CTNNA2: variants seen among roughly 807,000 people sequenced by gnomAD.
CTNNA2 encodes catenin alpha-2.
Under a neutral mutation model 101.0 loss-of-function variants are expected in CTNNA2, and 42 were observed. That is an observed-to-expected ratio of 0.42 (90% CI 0.32 to 0.54). The LOEUF (loss-of-function observed/expected upper bound fraction) is 0.54, where lower values mean the gene tolerates loss of function less well. Ranked by LOEUF, CTNNA2 falls within the 20% of genes least tolerant of loss-of-function variation. The pLI is 0.14. For missense variants in CTNNA2, 871 were observed against 1,223.1 expected (o/e 0.71, Z 4.29); for synonymous variants, 450 against 456.4 (o/e 0.99, Z 0.18).
chr2:79,988,631 A>G (rs1174136997), intron 7 of CTNNA2, among the ~76,000 whole-genome samples: 1 of 152,166 alleles, frequency 6.6e-6, no homozygotes, highest in African/African-American at 2.4e-5. Flanking sequence ...TTTTACAACC[A>G]AAGAAACTAA....
chr2:80,623,800 C>A (rs1280400975), intron 18 of CTNNA2, among the ~76,000 whole-genome samples: 1 of 151,872 alleles, frequency 6.6e-6, no homozygotes, highest in Non-Finnish European at 1.5e-5. Context: ...GTTTTAGAAT[C>A]CCTGCAAGGC....
At chr2:79,389,250 A>T (rs955669592) in intron 4 of CTNNA2, among the ~76,000 whole-genome samples, 2 of 152,208 alleles carry the variant, frequency 1.3e-5, no homozygotes, top group African/African-American at 4.8e-5. Flanking sequence ...GGATATACTA[A>T]TTTAATCAAT....
At chr2:80,163,589 G>A (rs1704474525) in intron 7 of CTNNA2, among the ~76,000 whole-genome samples, 1 of 152,030 alleles carries the variant, frequency 6.6e-6, no homozygotes, top group African/African-American at 2.4e-5. Context: ...CTATTGCTGG[G>A]TGGAATGTTC....
In CTNNA2 at chr2:79,815,546, G is replaced by A. The variant is rs148539642; in HGVS notation, c.299-42467G>A. Among the ~76,000 whole-genome samples the A allele has an allele frequency of 9.4e-3, 1,428 of 152,186 alleles. 12 individuals carry two copies. Among genetic ancestry groups the A allele is most frequent in the Middle Eastern group, 0.02 (6 of 294 alleles). On this transcript the variant is annotated intron_variant, in intron 3 of 18. Coordinates refer to ENST00000402739, the MANE Select transcript of CTNNA2 (RefSeq NM_001282597.3). ...CTTTCCCCACTTTATGTTTTTGTTT[G>A]CTTTGTCAAAGATCAGTTGGCTGTA...
chr2:79,927,434 G>A (rs1558648135), intron 7 of CTNNA2, among the ~76,000 whole-genome samples: 1 of 152,216 alleles, frequency 6.6e-6, no homozygotes, highest in East Asian at 1.9e-4. Context: ...GAAGACAATG[G>A]AGTCTGAACT....
rs1301110032 is a variant in CTNNA2, at chr2:80,381,064, G to T, written c.1057-12147G>T. Among the ~76,000 whole-genome samples, 5 of 151,994 alleles carry T rather than the reference G, an allele frequency of 3.3e-5. No homozygotes were observed. The East Asian group carries it at 9.8e-4, about 30-fold the overall frequency. ...ATGCCCCAAGAGATAGTACTAGTATGACAGACTCCAAGCATGCTCAGTGAG... is the reference window on the plus strand; with the variant it reads ...ATGCCCCAAGAGATAGTACTAGTATTACAGACTCCAAGCATGCTCAGTGAG... On this transcript the variant is annotated intron_variant, in intron 7 of 18. Coordinates refer to ENST00000402739, the MANE Select transcript of CTNNA2 (RefSeq NM_001282597.3).
At chr2:80,356,779 G>C (rs1317898491) in intron 7 of CTNNA2, among the ~76,000 whole-genome samples, 1 of 152,134 alleles carries the variant, frequency 6.6e-6, no homozygotes, top group Non-Finnish European at 1.5e-5. Flanking sequence ...TCGGTCAGCT[G>C]TCTTAGGAAG....
chr2:79,424,658 AG>A (rs1678574363), intron 4 of CTNNA2, among the ~76,000 whole-genome samples: 1 of 152,120 alleles, frequency 6.6e-6, no homozygotes. Flanking sequence ...TCAGATAGAA[AG>A]GGGTCATTAG....
chr2:80,620,793 C>T (rs924132575), intron 18 of CTNNA2, among the ~76,000 whole-genome samples: 1 of 151,884 alleles, frequency 6.6e-6, no homozygotes, highest in Non-Finnish European at 1.5e-5. Flanking sequence ...ACCCCTCATA[C>T]AGCTGCCAGG....
At chr2:79,786,139 T>A (rs1674825295) in intron 3 of CTNNA2, among the ~76,000 whole-genome samples, 1 of 149,650 alleles carries the variant, frequency 6.7e-6, no homozygotes, top group African/African-American at 2.5e-5. Context: ...TAACAAGTGC[T>A]TCAGTGTGAT....
chr2:80,245,323 G>A (rs1033337076), intron 7 of CTNNA2, among the ~76,000 whole-genome samples: 2 of 152,140 alleles, frequency 1.3e-5, no homozygotes, highest in African/African-American at 4.8e-5. Context: ...CTAATCATTT[G>A]TTTTACTAGC....
intron 7 of CTNNA2, among the ~76,000 whole-genome samples, chr2:79,975,741 G>A (rs1690792267): frequency 6.6e-6 from 1 of 152,248 alleles, no homozygotes; most frequent in South Asian, 2.1e-4. Flanking sequence ...CCAGGTGGAA[G>A]ACATGTGTTA....
At chr2:79,578,237 T>C (rs778695025) in intron 1 of CTNNA2, among the ~76,000 whole-genome samples, 5 of 152,214 alleles carry the variant, frequency 3.3e-5, no homozygotes, top group Non-Finnish European at 5.9e-5. Flanking sequence ...TATTAGTTAA[T>C]AGGTCTTTTT....
chr2:80,081,948 C>T (rs894935567), intron 7 of CTNNA2, among the ~76,000 whole-genome samples: 5 of 152,098 alleles, frequency 3.3e-5, no homozygotes, highest in African/African-American at 9.7e-5. Context: ...CAGCTAGATG[C>T]AGGAGACAAA....
chr2:79,345,481 A>AC (rs1228875266), intron 3 of CTNNA2, among the ~76,000 whole-genome samples: 4 of 152,026 alleles, frequency 2.6e-5, no homozygotes, highest in Admixed American at 1.3e-4. Flanking sequence ...AAAGACAATG[A>AC]CCTCTCCTTT....
chr2:79,449,639 A>G (rs1289891336), intron 4 of CTNNA2, among the ~76,000 whole-genome samples: 2 of 152,064 alleles, frequency 1.3e-5, no homozygotes, highest in African/African-American at 4.8e-5. Flanking sequence ...ATGTGTTTTT[A>G]TCACTACATA....
intron 1 of CTNNA2, among the ~76,000 whole-genome samples, chr2:79,515,006 G>A (rs1453379892): frequency 6.6e-6 from 1 of 152,194 alleles, no homozygotes; most frequent in African/African-American, 2.4e-5. Flanking sequence ...AAGTGATTGA[G>A]TGCTGATTTG....
At chr2:79,295,014 T>TGTGTATTTGTGTATGCGTGTGTGA (rs1675944311) in intron 2 of CTNNA2, among the ~76,000 whole-genome samples, 1 of 144,516 alleles carries the variant, frequency 6.9e-6, no homozygotes, top group Non-Finnish European at 1.6e-5. Flanking sequence ...TGTGTGTGTG[T>TGTGTATTTGTGTATGCGTGTGTGA]ATTTGTGTAT....
At chr2:79,636,357 A>G (rs1178988739) in intron 1 of CTNNA2, among the ~76,000 whole-genome samples, 4 of 151,784 alleles carry the variant, frequency 2.6e-5, no homozygotes, top group Non-Finnish European at 5.9e-5. Context: ...AGACACTGAC[A>G]TGAATGAGAC....
Sources: allele counts gnomAD v4.1 joint callset (sites outside exome capture counted in the v4.1 genomes callset), GRCh38; gene constraint gnomAD v4.1.1; transcripts MANE v1.5; gene names NCBI Gene and HGNC (gene_info 2026-07-23, HGNC 2026-07-21).